TMEM181: variants seen among roughly 807,000 people sequenced by gnomAD.
The protein encoded by TMEM181 is G protein-coupled receptor 178.
A neutral mutation model predicts 71.9 loss-of-function variants in TMEM181; 39 were observed. The ratio of observed to expected loss-of-function variants is 0.54; its 90% CI spans 0.42 to 0.71. The LOEUF (loss-of-function observed/expected upper bound fraction) is 0.71, where lower values mean the gene tolerates loss of function less well. TMEM181 is among the 30% of genes least tolerant of loss of function. The pLI, the probability that TMEM181 is intolerant of heterozygous loss-of-function variation, is 0.00. For synonymous variants in TMEM181, 245 were observed against 228.8 expected (o/e 1.07, Z -0.64); for missense variants, 595 against 583.0 (o/e 1.02, Z -0.21).
At chr6:158,578,101 CAAAAAAA>C (rs1783265552) in intron 2 of TMEM181, among the ~76,000 whole-genome samples, 1 of 151,856 alleles carries the variant, frequency 6.6e-6, no homozygotes, top group Non-Finnish European at 1.5e-5. Flanking sequence ...AAAAAAAAGA[CAAAAAAA>C]CAAAGAACAA....
intron 1 of TMEM181, among the ~76,000 whole-genome samples, chr6:158,553,153 A>G (rs1217276502): frequency 6.6e-6 from 1 of 150,652 alleles, no homozygotes; most frequent in Non-Finnish European, 1.5e-5. Flanking sequence ...GTGCCATTGC[A>G]CTCCAGCCTG....
intron 10 of TMEM181, chr6:158,609,728 G>T (rs1583028948): frequency 3.8e-6 from 1 of 263,418 alleles, no homozygotes; most frequent in Non-Finnish European, 8.0e-6. Flanking sequence ...GAGGCAACTG[G>T]TGTTCTCACG....
chr6:158,571,374 G>A lies in TMEM181; in HGVS notation c.9-2046G>A, dbSNP rs1486679792. Among the ~76,000 whole-genome samples the A allele has an allele frequency of 2.3e-5, 3 of 129,552 alleles. 1 individual carries two copies. Among genetic ancestry groups the A allele is most frequent in the African/African-American group, 6.3e-5 (2 of 31,818 alleles). The allele number at this position is 129,552 out of a possible 152,430, so 85.0% of individuals were successfully genotyped here. ...GCCTCCCAAAGTGCTGGGATTATAG[G>A]CGTGATCTGCCCGCCTTGGCCTTGT... On this transcript the variant is annotated intron_variant, in intron 1 of 16. Coordinates refer to ENST00000684151, the MANE Select transcript of TMEM181 (RefSeq NM_001376852.1).
intron 11 of TMEM181, among the ~76,000 whole-genome samples, chr6:158,623,976 G>A (rs1312813916): frequency 1.3e-5 from 2 of 152,168 alleles, no homozygotes; most frequent in Non-Finnish European, 2.9e-5. Flanking sequence ...TGGCCAGACT[G>A]TTCTCAAACT....
intron 2 of TMEM181, among the ~76,000 whole-genome samples, chr6:158,575,676 A>T (rs1783114950): frequency 6.6e-6 from 1 of 152,244 alleles, no homozygotes; most frequent in East Asian, 1.9e-4. Context: ...AGACTGCCTT[A>T]CTTCCTGGGT....
intron 10 of TMEM181, among the ~76,000 whole-genome samples, chr6:158,612,732 C>T (rs1177914159): frequency 1.3e-5 from 2 of 152,082 alleles, no homozygotes; most frequent in African/African-American, 4.8e-5. Context: ...TTGGAAAGAC[C>T]CATGTGTTAT....
At chr6:158,627,140 C>G (rs1035530764) in intron 13 of TMEM181, among the ~76,000 whole-genome samples, 16 of 147,614 alleles carry the variant, frequency 1.1e-4, no homozygotes, top group Non-Finnish European at 1.9e-4. Flanking sequence ...TGCTCACACA[C>G]CTTACACCCT....
intron 1 of TMEM181, among the ~76,000 whole-genome samples, chr6:158,548,221 C>T (rs555517642): frequency 1.1e-4 from 17 of 152,298 alleles, no homozygotes; most frequent in Non-Finnish European, 8.8e-5. Context: ...CTCTGGCCCA[C>T]GTGCACCCTC....
At chr6:158,619,543 G>A (rs1289518458) in intron 10 of TMEM181, among the ~76,000 whole-genome samples, 1 of 152,158 alleles carries the variant, frequency 6.6e-6, no homozygotes, top group Non-Finnish European at 1.5e-5. Flanking sequence ...AGGAAGGAGA[G>A]ACCTAGGGAG....
Position 158,634,951 on chromosome 6 carries a change from A to C in TMEM181, c.*3063A>C, listed in dbSNP as rs113987879. The C allele has an allele frequency of 5.3e-5, 8 of 152,242 alleles. No individual in the cohort carries two copies. Among genetic ancestry groups the C allele is most frequent in the African/African-American group, 1.9e-4 (8 of 41,542 alleles). 9.4% of individuals were successfully genotyped at this position (152,242 alleles called of 1,614,324 possible). A position where few individuals can be genotyped will look rare whatever the true frequency, so the allele number is the denominator to read the frequency against. ...TGTGTCTGAACATTTAGTGAAGATG[A>C]GACTTAAAACATGAAAGTGTATTTG... On this transcript the variant is annotated 3_prime_UTR_variant, in exon 17 of 17. Coordinates refer to ENST00000684151, the MANE Select transcript of TMEM181 (RefSeq NM_001376852.1).
intron 10 of TMEM181, among the ~76,000 whole-genome samples, chr6:158,615,604 T>A (rs1295232006): frequency 1.3e-5 from 2 of 152,212 alleles, no homozygotes; most frequent in Admixed American, 1.3e-4. Context: ...CTTCTAGGGT[T>A]TTTATGGTTT....
intron 10 of TMEM181, among the ~76,000 whole-genome samples, chr6:158,609,411 T>C (rs951171367): frequency 2.0e-5 from 3 of 152,100 alleles, no homozygotes; most frequent in African/African-American, 4.8e-5. Context: ...GGCAAACTCA[T>C]TGTACCCTCA....
At chr6:158,622,114 C>T (rs935061188) in intron 10 of TMEM181, among the ~76,000 whole-genome samples, 3 of 152,190 alleles carry the variant, frequency 2.0e-5, no homozygotes, top group Non-Finnish European at 4.4e-5. Context: ...GACCTCTGCC[C>T]AAGATGACAC....
intron 2 of TMEM181, among the ~76,000 whole-genome samples, chr6:158,574,519 C>T (rs1244339144): frequency 6.6e-6 from 1 of 152,188 alleles, no homozygotes; most frequent in Non-Finnish European, 1.5e-5. Flanking sequence ...AGTGGGACCT[C>T]AGCCACCTTC....
Position 158,570,483 on chromosome 6 carries a change from C to T in TMEM181, c.9-2937C>T, listed in dbSNP as rs188724980. Among the ~76,000 whole-genome samples the T allele has an allele frequency of 8.5e-4, 130 of 152,122 alleles. 3 individuals carry two copies. In the East Asian group the frequency reaches 0.016, roughly 19 times the overall value. ...GTCTCGATCTCCTGACCTCGTGATC[C>T]GCCCGCCTTGGCCTCCCAAAGTGCT... On this transcript the variant is annotated intron_variant, in intron 1 of 16. Transcript: ENST00000684151.
intron 2 of TMEM181, among the ~76,000 whole-genome samples, chr6:158,574,992 CAG>C (rs893837359): frequency 3.9e-5 from 6 of 152,304 alleles, no homozygotes; most frequent in East Asian, 1.9e-4. Context: ...CAGCTGGACA[CAG>C]AGCAAATTCC....
intron 7 of TMEM181, among the ~76,000 whole-genome samples, chr6:158,606,566 G>A (rs1784970024): frequency 6.6e-6 from 1 of 152,190 alleles, no homozygotes; most frequent in African/African-American, 2.4e-5. Context: ...CTAGAAAACT[G>A]TTGGCTTATA....
At chr6:158,626,888 C>T (rs1786316241) in intron 13 of TMEM181, among the ~76,000 whole-genome samples, 1 of 147,176 alleles carries the variant, frequency 6.8e-6, no homozygotes, top group African/African-American at 2.5e-5. Context: ...ACTCTCACAC[C>T]CCCACACCTT....
At chr6:158,597,380 G>C (rs979941039) in intron 6 of TMEM181, among the ~76,000 whole-genome samples, 1 of 152,188 alleles carries the variant, frequency 6.6e-6, no homozygotes, top group Admixed American at 6.5e-5. Flanking sequence ...GGCACTGGCA[G>C]GTTTGGTGTC....
Sources: gnomAD v4.1 joint callset for allele counts (sites outside exome capture counted in the v4.1 genomes callset) on GRCh38, gnomAD v4.1.1 for gene constraint, MANE v1.5 for transcripts, NCBI Gene and HGNC (gene_info 2026-07-23, HGNC 2026-07-21) for gene names.